The following HPSE2 variants were observed in gnomAD, a reference collection of about 807,000 sequenced individuals.
The protein encoded by HPSE2 is inactive heparanase-2.
In HPSE2, 38 loss-of-function variants were observed where a neutral mutation model predicts 60.5. The ratio of observed to expected loss-of-function variants is 0.63; its 90% CI spans 0.48 to 0.82. The LOEUF is 0.82. HPSE2 is among the 40% of genes least tolerant of loss of function. HPSE2 has a pLI of 0.00. For synonymous variants in HPSE2, 295 were observed against 293.2 expected (o/e 1.01, Z -0.06); for missense variants, 713 against 740.4 (o/e 0.96, Z 0.43).
the HPSE2 span, among the ~76,000 whole-genome samples, chr10:99,272,095 A>G: frequency 6.6e-6 from 1 of 152,052 alleles, no homozygotes; most frequent in Non-Finnish European, 1.5e-5. Flanking sequence ...ACATGGTGAA[A>G]CCCCGTCTCT....
chr10:99,133,420 C>G (rs530177530), intron 3 of HPSE2, among the ~76,000 whole-genome samples: 10 of 152,348 alleles, frequency 6.6e-5, no homozygotes, highest in Non-Finnish European at 1.2e-4. Context: ...AAGTGGGTCC[C>G]TGACCTCTAT....
At chr10:98,804,555 G>C (rs1446363264) in intron 3 of HPSE2, among the ~76,000 whole-genome samples, 5 of 152,068 alleles carry the variant, frequency 3.3e-5, no homozygotes, top group African/African-American at 4.8e-5. Context: ...GATCATCAGA[G>C]AAATGCAAAT....
intron 5 of HPSE2, among the ~76,000 whole-genome samples, chr10:98,700,224 T>C (rs1268867151): frequency 1.3e-5 from 2 of 151,612 alleles, no homozygotes; most frequent in African/African-American, 4.8e-5. Flanking sequence ...GGAGGCATCA[T>C]GCTACCTGAC....
intron 3 of HPSE2, among the ~76,000 whole-genome samples, chr10:98,984,544 A>G (rs569300619): frequency 6.6e-6 from 1 of 152,324 alleles, no homozygotes; most frequent in East Asian, 1.9e-4. Context: ...GATGGGGAAA[A>G]AACAGAGCAG....
intron 3 of HPSE2, among the ~76,000 whole-genome samples, chr10:99,025,884 TAA>T (rs34953799): frequency 6.6e-6 from 1 of 151,532 alleles, no homozygotes; most frequent in Non-Finnish European, 1.5e-5. Context: ...AAAGAAAAGT[TAA>T]AAAAAAATTA....
At chr10:98,574,298 A>T (rs554757013) in intron 9 of HPSE2, among the ~76,000 whole-genome samples, 10 of 152,348 alleles carry the variant, frequency 6.6e-5, no homozygotes, top group Admixed American at 5.2e-4. Flanking sequence ...TACATAGCAC[A>T]TAAATATAAA....
chr10:98,867,150 G>C (rs1473681161), intron 3 of HPSE2, among the ~76,000 whole-genome samples: 2 of 152,094 alleles, frequency 1.3e-5, no homozygotes, highest in East Asian at 1.9e-4. Context: ...GATTTGAGGA[G>C]ATAGAGATAA....
At chr10:98,894,128 T>C (rs1370455571) in intron 3 of HPSE2, among the ~76,000 whole-genome samples, 4 of 152,180 alleles carry the variant, frequency 2.6e-5, no homozygotes, top group African/African-American at 9.7e-5. Flanking sequence ...TAAGTGGTCA[T>C]AGATTGCTGG....
In HPSE2 at chr10:98,482,648, C is replaced by A. The variant is rs762857117; in HGVS notation, c.1601G>T (p.Gly534Val). The change falls in exon 11 of 12, where the codon GGC (glycine) becomes GTC (valine). Residue 534 changes from glycine to valine, a missense_variant. Gly to Val is a moderately radical substitution (Grantham distance 109). Transcript: ENST00000370552. ...GGTTGGCACGTACTTGGACTTTAGGCCCTCCTGCCCATAGGGCTGCAGCAG... is the reference window on the plus strand; with the variant it reads ...GGTTGGCACGTACTTGGACTTTAGGACCTCCTGCCCATAGGGCTGCAGCAG... The part of the protein sequence containing the change: ...QYLLQPYGQE[G>V]LKSKSVQLNG... The A allele has an allele frequency of 2.5e-6, 4 of 1,614,180 alleles. No individual in the cohort carries two copies. The highest frequency in any genetic ancestry group is 3.4e-6 in the Non-Finnish European group (4 of 1,180,028).
At chr10:99,273,266 G>A in the HPSE2 span, among the ~76,000 whole-genome samples, 1 of 152,134 alleles carries the variant, frequency 6.6e-6, no homozygotes, top group African/African-American at 2.4e-5. Flanking sequence ...GGGAATCAGG[G>A]AAAAGAGTGA....
At chr10:99,092,026 C>T (rs938472048) in intron 3 of HPSE2, among the ~76,000 whole-genome samples, 2 of 152,108 alleles carry the variant, frequency 1.3e-5, no homozygotes, top group Admixed American at 6.5e-5. Flanking sequence ...ATTCCAGTCT[C>T]AAGACTTGCT....
intron 2 of HPSE2, among the ~76,000 whole-genome samples, chr10:99,179,502 C>A (rs890014925): frequency 1.3e-5 from 2 of 152,102 alleles, no homozygotes; most frequent in African/African-American, 4.8e-5. Context: ...GAGTGAACTT[C>A]CATTCACAAT....
chr10:98,960,757 A>C (rs1291286658), intron 3 of HPSE2, among the ~76,000 whole-genome samples: 2 of 77,672 alleles, frequency 2.6e-5, no homozygotes, highest in African/African-American at 5.5e-5. Context: ...TTTTTATTAT[A>C]CTCTAAGTTT....
chr10:98,967,108 A>G (rs1955832561), intron 3 of HPSE2, among the ~76,000 whole-genome samples: 2 of 152,272 alleles, frequency 1.3e-5, no homozygotes, highest in East Asian at 3.9e-4. Flanking sequence ...GTAGACTCCA[A>G]ACGGTTTTTT....
chr10:98,641,737 A>G (rs1422528951), intron 7 of HPSE2, 110 bp downstream of exon 7: 4 of 841,470 alleles, frequency 4.8e-6, no homozygotes, highest in Middle Eastern at 2.2e-4. Context: ...CTATTTTCCT[A>G]TTTTTCTACT....
chr10:99,120,215 C>T (rs550185052), intron 3 of HPSE2, among the ~76,000 whole-genome samples: 2 of 152,118 alleles, frequency 1.3e-5, no homozygotes, highest in South Asian at 2.1e-4. Flanking sequence ...GTTTAATATC[C>T]AGCATCTATA....
At chr10:99,159,662 AAATC>A (rs1410411123) in intron 2 of HPSE2, among the ~76,000 whole-genome samples, 1 of 152,200 alleles carries the variant, frequency 6.6e-6, no homozygotes, top group East Asian at 1.9e-4. Context: ...AAAAGCCTCA[AAATC>A]AATCACAGAC....
intron 3 of HPSE2, among the ~76,000 whole-genome samples, chr10:98,835,081 T>G (rs1951762537): frequency 6.6e-6 from 1 of 151,910 alleles, no homozygotes; most frequent in Non-Finnish European, 1.5e-5. Context: ...CTTGAAGAAA[T>G]AAAAGAGGAT....
intron 2 of HPSE2, among the ~76,000 whole-genome samples, chr10:99,230,173 A>G (rs976549663): frequency 6.6e-6 from 1 of 152,232 alleles, no homozygotes; most frequent in Non-Finnish European, 1.5e-5. Context: ...CTGACTTTAA[A>G]GAAAGTTTTA....
Sources: allele counts gnomAD v4.1 joint callset (sites outside exome capture counted in the v4.1 genomes callset), GRCh38; gene constraint gnomAD v4.1.1; transcripts MANE v1.5; gene names NCBI Gene and HGNC (gene_info 2026-07-23, HGNC 2026-07-21).